The following SUGCT variants were observed in gnomAD, a reference collection of about 807,000 sequenced individuals.
SUGCT encodes the protein succinyl-CoA:glutarate-CoA transferase, also known as succinyl-CoA:glutarate CoA-transferase.
In SUGCT, 41 loss-of-function variants were observed where a neutral mutation model predicts 55.0. The observed-to-expected ratio is 0.74, with a 90% CI of 0.58 to 0.97. The LOEUF is 0.97. Ranked by LOEUF, SUGCT falls within the 50% of genes least tolerant of loss-of-function variation. The pLI, the probability that SUGCT is intolerant of heterozygous loss-of-function variation, is 0.00. For missense variants in SUGCT, 568 were observed against 547.8 expected (o/e 1.04, Z -0.37); for synonymous variants, 187 against 200.4 (o/e 0.93, Z 0.56).
At chr7:40,360,260 C>T (rs1280289364) in intron 9 of SUGCT, among the ~76,000 whole-genome samples, 6 of 152,200 alleles carry the variant, frequency 3.9e-5, no homozygotes, top group African/African-American at 1.2e-4. Flanking sequence ...GTGACCCGCC[C>T]GCCTTGGCCT....
At chr7:40,386,152 A>G (rs2151292059) in intron 9 of SUGCT, among the ~76,000 whole-genome samples, 1 of 152,330 alleles carries the variant, frequency 6.6e-6, no homozygotes, top group African/African-American at 2.4e-5. Flanking sequence ...CTGTTACTGT[A>G]GAAGAGGCTG....
downstream of SUGCT, among the ~76,000 whole-genome samples, chr7:40,864,524 C>A (rs1007030571): frequency 6.6e-6 from 1 of 152,054 alleles, no homozygotes; most frequent in Non-Finnish European, 1.5e-5. Flanking sequence ...GGAGCAGAAG[C>A]AACTCCACTA....
chr7:40,684,167 TCC>T, intron 12 of SUGCT: 1 of 1,557,680 alleles, frequency 6.4e-7, no homozygotes, highest in Middle Eastern at 1.7e-4. Flanking sequence ...ACATCTCACT[TCC>T]TGCAGCCAGG....
At chr7:40,546,978 A>G (rs1440275399) in intron 12 of SUGCT, 2 of 152,240 alleles carry the variant, frequency 1.3e-5, no homozygotes, top group Non-Finnish European at 2.9e-5. Context: ...CAGAAGCAAT[A>G]GGAGACTTAA....
At chr7:40,909,627 T>C in the SUGCT span, among the ~76,000 whole-genome samples, 2 of 152,206 alleles carry the variant, frequency 1.3e-5, no homozygotes, top group Non-Finnish European at 2.9e-5. Flanking sequence ...TTTGCTTGGC[T>C]TTTCATTCTG....
the SUGCT span, among the ~76,000 whole-genome samples, chr7:40,978,726 T>C: frequency 6.6e-6 from 1 of 152,056 alleles, no homozygotes; most frequent in African/African-American, 2.4e-5. Flanking sequence ...AAGCAGCATG[T>C]GTCAAGGCCA....
intron 7 of SUGCT, among the ~76,000 whole-genome samples, chr7:40,269,732 G>A (rs7800400): frequency 0.4 from 61,144 of 152,022 alleles, 12,891 homozygotes; most frequent in East Asian, 0.5. Context: ...GCATCTTTAC[G>A]TGTGTTTAAT....
At chr7:40,676,112 A>G (rs993518267) in intron 12 of SUGCT, among the ~76,000 whole-genome samples, 3 of 152,202 alleles carry the variant, frequency 2.0e-5, no homozygotes, top group African/African-American at 4.8e-5. Context: ...TTGACACATA[A>G]TGATATGACC....
the SUGCT span, among the ~76,000 whole-genome samples, chr7:41,016,729 G>A: frequency 6.6e-6 from 1 of 152,112 alleles, no homozygotes; most frequent in East Asian, 1.9e-4. Context: ...AGATGCCTTG[G>A]TCCCTCATTT....
At chr7:40,463,818 A>G (rs912795738) in intron 11 of SUGCT, among the ~76,000 whole-genome samples, 4 of 152,202 alleles carry the variant, frequency 2.6e-5, no homozygotes, top group Admixed American at 6.5e-5. Context: ...TGCAGAAAGT[A>G]TGTTTACCCA....
At chr7:40,439,119 G>A (rs1484608128) in intron 9 of SUGCT, among the ~76,000 whole-genome samples, 2 of 132,142 alleles carry the variant, frequency 1.5e-5, no homozygotes, top group Admixed American at 8.0e-5. Flanking sequence ...TATGGATAGA[G>A]AGAGAGAGAG....
intron 10 of SUGCT, among the ~76,000 whole-genome samples, chr7:40,454,511 C>T (rs1015245370): frequency 6.6e-6 from 1 of 152,106 alleles, no homozygotes; most frequent in Admixed American, 6.5e-5. Context: ...GCCTATTCCT[C>T]CTAGGCTATA....
intron 11 of SUGCT, among the ~76,000 whole-genome samples, chr7:40,465,400 A>C (rs1261009623): frequency 6.6e-6 from 1 of 152,116 alleles, no homozygotes. Flanking sequence ...ACCTGAGGTC[A>C]GGAGTTCGAG....
chr7:40,661,964 T>C (rs746399346), intron 12 of SUGCT, among the ~76,000 whole-genome samples: 8 of 152,162 alleles, frequency 5.3e-5, no homozygotes, highest in Non-Finnish European at 1.2e-4. Context: ...GCAACTAAGG[T>C]CCAGACCTTT....
the SUGCT span, among the ~76,000 whole-genome samples, chr7:40,944,420 C>T: frequency 3.3e-5 from 5 of 151,478 alleles, no homozygotes; most frequent in Admixed American, 1.3e-4. Flanking sequence ...TTAGGTCTAA[C>T]GTTTAAGTCT....
intron 12 of SUGCT, among the ~76,000 whole-genome samples, chr7:40,588,442 A>G (rs1194974813): frequency 6.6e-6 from 1 of 151,890 alleles, no homozygotes; most frequent in Non-Finnish European, 1.5e-5. Flanking sequence ...CAAAGTATTA[A>G]CTCTCCTGGT....
At chr7:40,198,617 T>C (rs1786417281) in intron 6 of SUGCT, among the ~76,000 whole-genome samples, 1 of 142,258 alleles carries the variant, frequency 7.0e-6, no homozygotes, top group Admixed American at 6.7e-5. Context: ...TCCCAGCACT[T>C]TGAGAGGCCG....
chr7:40,937,215 C>T, the SUGCT span, among the ~76,000 whole-genome samples: 1 of 152,176 alleles, frequency 6.6e-6, no homozygotes, highest in Non-Finnish European at 1.5e-5. Context: ...GTAGCCCAGG[C>T]TGGAGTGCAG....
At chr7:40,590,815 G>C (rs773575522) in intron 12 of SUGCT, among the ~76,000 whole-genome samples, 11 of 152,102 alleles carry the variant, frequency 7.2e-5, no homozygotes, top group Non-Finnish European at 1.0e-4. Flanking sequence ...CCTGTGCTCC[G>C]TACATGGAAC....
Sources: gnomAD v4.1 joint callset for allele counts (sites outside exome capture counted in the v4.1 genomes callset) on GRCh38, gnomAD v4.1.1 for gene constraint, MANE v1.5 for transcripts, NCBI Gene and HGNC (gene_info 2026-07-23, HGNC 2026-07-21) for gene names.